Variants in GPC3 observed in about 807,000 individuals in gnomAD.
GPC3 encodes the protein glypican-3.
In GPC3, 3 loss-of-function variants were observed where a neutral mutation model predicts 34.4. The observed-to-expected ratio is 0.09, with a 90% CI of 0.04 to 0.23. The LOEUF (loss-of-function observed/expected upper bound fraction) is 0.23. GPC3 is among the 10% of genes least tolerant of loss of function. GPC3 has a pLI of 1.00. For synonymous variants in GPC3, 177 were observed against 174.0 expected, an observed-to-expected ratio of 1.02 and a Z score of -0.13; for missense variants, 351 against 445.6, an observed-to-expected ratio of 0.79 and a Z score of 1.91.
intron 7 of GPC3, among the ~76,000 whole-genome samples, chrX:133,570,476 C>T (rs2069619053): frequency 8.9e-6 from 1 of 112,760 alleles, no homozygotes; most frequent in Non-Finnish European, 1.9e-5. Context: ...GCTGGGATTA[C>T]AGGCATGAGC....
intron 1 of GPC3, among the ~76,000 whole-genome samples, chrX:133,979,199 C>T (rs1289343942): frequency 2.7e-5 from 3 of 111,640 alleles, no homozygotes; most frequent in Non-Finnish European, 5.6e-5. Flanking sequence ...CTATTAAGTA[C>T]GCTTCAAAGA....
chrX:133,822,357 T>C (rs2075723771), intron 2 of GPC3, among the ~76,000 whole-genome samples: 1 of 111,781 alleles, frequency 8.9e-6, no homozygotes, highest in South Asian at 3.8e-4. Flanking sequence ...GCAATTCACA[T>C]ATGCCAAAGA....
At chrX:133,790,714 A>C (rs932283865) in intron 2 of GPC3, among the ~76,000 whole-genome samples, 2 of 111,225 alleles carry the variant, frequency 1.8e-5, no homozygotes, top group Admixed American at 9.6e-5. Context: ...ATAACACCAT[A>C]TCTACATATG....
chrX:133,879,484 C>A, intron 2 of GPC3, among the ~76,000 whole-genome samples: 1 of 111,063 alleles, frequency 9.0e-6, no homozygotes, highest in East Asian at 2.8e-4. Flanking sequence ...TAGGGACAAT[C>A]CAATCAGTAT....
chrX:133,920,806 A>G (rs184113573), intron 2 of GPC3, among the ~76,000 whole-genome samples: 1 of 112,478 alleles, frequency 8.9e-6, no homozygotes, highest in East Asian at 2.8e-4. Flanking sequence ...TTAAATTTAC[A>G]TAAGAGTTGC....
At chrX:133,859,231 G>A (rs969547230) in intron 2 of GPC3, among the ~76,000 whole-genome samples, 1 of 111,297 alleles carries the variant, frequency 9.0e-6, no homozygotes, top group Non-Finnish European at 1.9e-5. Context: ...GTTAACCATG[G>A]AATCCTACCC....
At chrX:133,567,692 T>C (rs2069594023) in intron 7 of GPC3, among the ~76,000 whole-genome samples, 2 of 111,805 alleles carry the variant, frequency 1.8e-5, no homozygotes, top group Non-Finnish European at 3.8e-5. Flanking sequence ...TGCCGTTTGA[T>C]TGAAAGTCAA....
Position 133,596,471 on chromosome X carries a change from T to C in GPC3, c.1542A>G (p.Ile514Met). The C allele has an allele frequency of 8.3e-7, 1 of 1,210,141 alleles. No individual in the cohort carries two copies. The highest frequency in any genetic ancestry group is 3.0e-5 in the East Asian group (1 of 33,830). The change falls in exon 7 of 8, where the codon ATA (isoleucine) becomes ATG (methionine). Residue 514 changes from isoleucine (I) to methionine (M), a missense_variant. Transcript: ENST00000370818. ...GGAAGCGGAGCTGATTCTTCACTTT[T>C]ATCATTCCATCACCAGAGCCTCCAA... ...ECIGGSGDGM[I>M]KVKNQLRFLA...
intron 6 of GPC3, among the ~76,000 whole-genome samples, chrX:133,606,876 A>G (rs1001759308): frequency 8.9e-6 from 1 of 111,886 alleles, no homozygotes; most frequent in Non-Finnish European, 1.9e-5. Flanking sequence ...CAGCATTCAC[A>G]AAATATTAAT....
chrX:133,763,194 T>C, intron 2 of GPC3: 1 of 642,326 alleles, frequency 1.6e-6, no homozygotes, highest in Non-Finnish European at 2.6e-6. Context: ...ACCACCAGCC[T>C]CTCACAGAGG....
At position 133,944,204 on chromosome X, in the gene GPC3, C is replaced by T. The variant is rs191098324; in HGVS notation, c.337+8846G>A. Among the ~76,000 whole-genome samples, 53 of 111,303 alleles carry T rather than the reference C, an allele frequency of 4.8e-4. No homozygotes were observed. The East Asian group carries it at 0.014, about 29-fold the overall frequency. The stretch of plus-strand genomic sequence containing the variant: ...AAGCCCTATCCACAGAAAGCTCATT[C>T]TTTAGTAAAGGATACCCATGTTAAT... On this transcript the variant is annotated intron_variant, in intron 2 of 7. Coordinates refer to ENST00000370818, the MANE Select transcript of GPC3 (RefSeq NM_004484.4).
Position 133,791,691 on chromosome X carries a change from C to T in GPC3, c.338-37515G>A, listed in dbSNP as rs755373801. Reference sequence around the variant, plus strand: ...CCTGACCTAAACACATTCTAAATGGCTGTTCCCTCACCTCACTCAGAAGCT... The same window carrying T: ...CCTGACCTAAACACATTCTAAATGGTTGTTCCCTCACCTCACTCAGAAGCT... On this transcript the variant is annotated intron_variant, in intron 2 of 7. Coordinates refer to ENST00000370818, the MANE Select transcript of GPC3 (RefSeq NM_004484.4). Among the ~76,000 whole-genome samples, 21 of 109,686 alleles carry T rather than the reference C, an allele frequency of 1.9e-4. No individual in the cohort carries two copies. The South Asian group carries it at 7.3e-3, about 38-fold the overall frequency.
At chrX:133,687,336 T>A (rs1319897410) in intron 5 of GPC3, among the ~76,000 whole-genome samples, 1 of 104,525 alleles carries the variant, frequency 9.6e-6, no homozygotes, top group Non-Finnish European at 2.0e-5. Context: ...TATGCCCTAT[T>A]ATATATTAAG....
intron 2 of GPC3, among the ~76,000 whole-genome samples, chrX:133,766,191 A>C (rs924596015): frequency 8.9e-6 from 1 of 112,188 alleles, no homozygotes; most frequent in African/African-American, 3.2e-5. Context: ...TAAAGTCAGC[A>C]ACATTAACCA....
chrX:133,825,107 A>T (rs1297741945), intron 2 of GPC3, among the ~76,000 whole-genome samples: 3 of 111,801 alleles, frequency 2.7e-5, no homozygotes, highest in Admixed American at 9.5e-5. Context: ...TGCCCACCTC[A>T]GCCTCCCAAA....
intron 2 of GPC3, among the ~76,000 whole-genome samples, chrX:133,782,857 C>T (rs997329525): frequency 2.7e-5 from 3 of 111,373 alleles, no homozygotes; most frequent in Non-Finnish European, 5.6e-5. Flanking sequence ...AGATCTGCCA[C>T]AAGAATAGGT....
rs775110101 is a variant in GPC3, at chrX:133,687,092, A to ATTT, written c.1292+5274_1292+5276dup. On this transcript the variant is annotated intron_variant, in intron 5 of 7. Coordinates refer to ENST00000370818, the MANE Select transcript of GPC3 (RefSeq NM_004484.4). Reference sequence around the variant, plus strand: ...GGGCACCTGCCACCATGGCCGGCTAATTTTTTTTTTTTTTTTTTTTTTTGT... The same window carrying ATTT: ...GGGCACCTGCCACCATGGCCGGCTAATTTTTTTTTTTTTTTTTTTTTTTTTTGT... 2.5e-3 allele frequency among the ~76,000 whole-genome samples: 170 copies of ATTT among 69,244 alleles called. 3 individuals are homozygous for ATTT. The highest frequency in any genetic ancestry group is 0.011 in the African/African-American group (140 of 12,644). 60.1% of individuals were successfully genotyped at this position (69,244 alleles called of 115,157 possible). A position where few individuals can be genotyped will look rare whatever the true frequency, so the allele number is the denominator to read the frequency against.
intron 2 of GPC3, among the ~76,000 whole-genome samples, chrX:133,790,013 G>A (rs2072143675): frequency 8.9e-6 from 1 of 111,774 alleles, no homozygotes; most frequent in African/African-American, 3.3e-5. Flanking sequence ...TGAATTGCAG[G>A]TTCCTCCCCA....
rs769696321 is a variant in GPC3 at position 133,841,215 on chromosome X, A to ATTTTTTTTTTTTTTTTTTTT, written c.338-87059_338-87040dup. Among the ~76,000 whole-genome samples the ATTTTTTTTTTTTTTTTTTTT allele has an allele frequency of 5.0e-3, 198 of 39,242 alleles. 59 individuals are homozygous for ATTTTTTTTTTTTTTTTTTTT. Among genetic ancestry groups the ATTTTTTTTTTTTTTTTTTTT allele is most frequent in the Non-Finnish European group, 8.3e-3 (154 of 18,661 alleles). 34.1% of individuals were successfully genotyped at this position (39,242 alleles called of 115,157 possible). ...ACCACCATGCCTGGCTAATCTTTTAATTTTTTTTTTTTTTTTTTTTTTTGG... is the reference window on the plus strand; with the variant it reads ...ACCACCATGCCTGGCTAATCTTTTAATTTTTTTTTTTTTTTTTTTTTTTTTTTTTTTTTTTTTTTTTTTGG... On this transcript the variant is annotated intron_variant, in intron 2 of 7. Coordinates refer to ENST00000370818, the MANE Select transcript of GPC3 (RefSeq NM_004484.4).
Sources: allele counts gnomAD v4.1 joint callset (sites outside exome capture counted in the v4.1 genomes callset), GRCh38; gene constraint gnomAD v4.1.1; transcripts MANE v1.5; gene names NCBI Gene and HGNC (gene_info 2026-07-23, HGNC 2026-07-21).